ZNF638: variants seen among roughly 807,000 people sequenced by gnomAD.
ZNF638 encodes the protein zinc finger protein 638, also known as CTCL tumor antigen se33-1.
Under a neutral mutation model 195.6 loss-of-function variants are expected in ZNF638, and 46 were observed. The observed-to-expected ratio is 0.24, with a 90% CI of 0.19 to 0.30. The LOEUF is 0.30. ZNF638 is among the 10% of genes least tolerant of loss of function. The probability of loss-of-function intolerance (pLI) is 1.00; values close to 1 mark genes in which losing one functional copy is unlikely to be tolerated. For missense variants in ZNF638, 2,440 were observed against 2,325.3 expected (o/e 1.05, Z -1.01); for synonymous variants, 845 against 772.0 (o/e 1.09, Z -1.57).
chr2:71,371,270 A>G (rs371350345), intron 8 of ZNF638, among the ~76,000 whole-genome samples: 37 of 152,084 alleles, frequency 2.4e-4, no homozygotes, highest in African/African-American at 8.5e-4. Context: ...TTGCTTCCAG[A>G]TCTTAGCTAA....
At chr2:71,363,489 C>A (rs749334090) in intron 4 of ZNF638, among the ~76,000 whole-genome samples, 9 of 152,110 alleles carry the variant, frequency 5.9e-5, no homozygotes, top group Non-Finnish European at 1.2e-4. Context: ...GTTCTGTATC[C>A]CCTAGGGGAT....
At chr2:71,399,151 G>T (rs1338981137) in intron 12 of ZNF638, among the ~76,000 whole-genome samples, 3 of 152,022 alleles carry the variant, frequency 2.0e-5, no homozygotes, top group African/African-American at 7.2e-5. Flanking sequence ...GATGTTAGGA[G>T]AATTCATTTT....
rs776782165 is a variant in ZNF638, at chr2:71,349,711, C to G, written c.757C>G (p.Pro253Ala). 3.1e-6 allele frequency: 5 copies of G among 1,614,170 alleles called. No individual in the cohort carries two copies. Among genetic ancestry groups the G allele is most frequent in the Non-Finnish European group, 4.2e-6 (5 of 1,180,012 alleles). The change falls in exon 2 of 28, where the codon CCC (proline) becomes GCC (alanine). Residue 253 changes from proline (P) to alanine (A), a missense_variant. Physicochemically the swap from Pro to Ala is conservative, Grantham distance 27. Transcript: ENST00000264447. ...ACAGCAGAACATTTCTGCATCTGTT[C>G]CCAATCCAAATGTGATATGTAATTC... The part of the protein sequence containing the change: ...QSQQNISASV[P>A]NPNVICNSMF...
chr2:71,393,705 G>A (rs948060117), intron 10 of ZNF638: 5 of 690,074 alleles, frequency 7.2e-6, no homozygotes, highest in African/African-American at 1.8e-5. Context: ...AACCCGTACC[G>A]GCTACACTCT....
At chr2:71,406,894 G>A (rs987286500) in intron 19 of ZNF638, among the ~76,000 whole-genome samples, 1 of 152,116 alleles carries the variant, frequency 6.6e-6, no homozygotes, top group African/African-American at 2.4e-5. Flanking sequence ...CAGCTGCCTG[G>A]GAGGCTGAGG....
At chr2:71,347,043 GA>G (rs113697136) in intron 1 of ZNF638, among the ~76,000 whole-genome samples, 71 of 138,340 alleles carry the variant, frequency 5.1e-4, no homozygotes, top group African/African-American at 1.8e-3. Context: ...AAAAAAAAAA[GA>G]AAGATTATTG....
chr2:71,405,737 A>G lies in ZNF638; in HGVS notation c.3000+95A>G, dbSNP rs899670859. On this transcript the variant is annotated intron_variant, in intron 18 of 27. Coordinates refer to ENST00000264447, the MANE Select transcript of ZNF638 (RefSeq NM_014497.5). ...TTTTAGGAATTAAAACCTTAGAACT[A>G]ATTTTAAGATATTGAGGTGATGGAG... The G allele has an allele frequency of 8.9e-6, 8 of 897,864 alleles. No homozygotes were observed. The South Asian group carries it at 1.0e-4, about 11-fold the overall frequency. 55.6% of individuals were successfully genotyped at this position (897,864 alleles called of 1,614,324 possible).
chr2:71,361,044 C>T (rs867064056), intron 3 of ZNF638, among the ~76,000 whole-genome samples: 2 of 152,178 alleles, frequency 1.3e-5, no homozygotes, highest in South Asian at 2.1e-4. Flanking sequence ...TCACTGCAAC[C>T]TCCACCTCCT....
At chr2:71,407,713 C>T (rs1241120307) in intron 19 of ZNF638, 3 of 153,160 alleles carry the variant, frequency 2.0e-5, no homozygotes, top group African/African-American at 7.2e-5. Flanking sequence ...ATTAATTCAG[C>T]CCTTATCAAC....
intron 10 of ZNF638, among the ~76,000 whole-genome samples, chr2:71,392,331 G>C (rs2079798838): frequency 6.6e-6 from 1 of 152,206 alleles, no homozygotes; most frequent in South Asian, 2.1e-4. Context: ...TGGAAAAGCG[G>C]CTATTTGGTG....
chr2:71,422,783 G>A, intron 21 of ZNF638, 31 bp from the exon 22 acceptor site: 5 of 1,577,686 alleles, frequency 3.2e-6, no homozygotes, highest in Non-Finnish European at 4.3e-6. Context: ...TTTTGTTTGT[G>A]TTCTTTTTGT....
At chr2:71,425,421 C>T (rs1211533476) in intron 23 of ZNF638, among the ~76,000 whole-genome samples, 1 of 151,992 alleles carries the variant, frequency 6.6e-6, no homozygotes, top group African/African-American at 2.4e-5. Context: ...AGTACAATCG[C>T]TTGTAGATAT....
chr2:71,432,292 C>G (rs113612245), intron 26 of ZNF638, among the ~76,000 whole-genome samples: 8 of 152,266 alleles, frequency 5.3e-5, no homozygotes, highest in African/African-American at 1.7e-4. Flanking sequence ...CCCTTTCCTC[C>G]CAGGCTCAAG....
chr2:71,347,069 G>A (rs1006083760), intron 1 of ZNF638, among the ~76,000 whole-genome samples: 1 of 152,054 alleles, frequency 6.6e-6, no homozygotes, highest in African/African-American at 2.4e-5. Flanking sequence ...ACTCACTCTT[G>A]GCATTGGTAG....
At chr2:71,396,454 C>T (rs1298601239) in intron 11 of ZNF638, among the ~76,000 whole-genome samples, 1 of 152,142 alleles carries the variant, frequency 6.6e-6, no homozygotes, top group Non-Finnish European at 1.5e-5. Context: ...ATTGAGGTCT[C>T]TCTTCTTCCT....
intron 25 of ZNF638, among the ~76,000 whole-genome samples, chr2:71,429,294 A>G (rs1026664932): frequency 1.1e-4 from 16 of 152,114 alleles, no homozygotes; most frequent in Non-Finnish European, 4.4e-5. Context: ...TATCTTCTTT[A>G]AGGAAAACTT....
chr2:71,433,356 A>C, intron 27 of ZNF638, 73 bp downstream of exon 27: 2 of 1,080,602 alleles, frequency 1.9e-6, no homozygotes, highest in Non-Finnish European at 2.8e-6. Flanking sequence ...ATCTCCCCAA[A>C]CGTACATTTC....
chr2:71,374,442 G>T (rs1327458821), intron 8 of ZNF638, among the ~76,000 whole-genome samples: 1 of 151,762 alleles, frequency 6.6e-6, no homozygotes, highest in Non-Finnish European at 1.5e-5. Context: ...ATTTTTCTTT[G>T]TTTATTCATT....
In ZNF638 at chr2:71,396,245, T is replaced by G. The variant is rs994621843; in HGVS notation, c.2428+54T>G. 5.7e-5 allele frequency: 82 copies of G among 1,429,360 alleles called. 1 individual carries two copies. Among genetic ancestry groups the G allele is most frequent in the Middle Eastern group, 1.9e-4 (1 of 5,194 alleles). The allele number at this position is 1,429,360 out of a possible 1,614,324, so 88.5% of individuals were successfully genotyped here. On this transcript the variant is annotated intron_variant, in intron 11 of 27. Transcript: ENST00000264447. The stretch of plus-strand genomic sequence containing the variant: ...TATTAGTTAAAACTTTAATGTATTT[T>G]AAAATCGTATGGCAGTAGTAGTCTT...
Sources: gnomAD v4.1 joint callset for allele counts (sites outside exome capture counted in the v4.1 genomes callset) on GRCh38, gnomAD v4.1.1 for gene constraint, MANE v1.5 for transcripts, NCBI Gene and HGNC (gene_info 2026-07-23, HGNC 2026-07-21) for gene names.